The following SUPT5H variants were observed in gnomAD, a reference collection of about 807,000 sequenced individuals.
SUPT5H encodes transcription elongation factor SPT5.
A neutral mutation model predicts 142.5 loss-of-function variants in SUPT5H; 24 were observed. That is an observed-to-expected ratio of 0.17 (90% confidence interval 0.12 to 0.24). The LOEUF is 0.24. Ranked by LOEUF, SUPT5H falls within the 10% of genes least tolerant of loss-of-function variation. The pLI is 1.00. For synonymous variants in SUPT5H, 546 were observed against 553.0 expected (o/e 0.99, Z 0.18); for missense variants, 893 against 1,471.8 (o/e 0.61, Z 6.43).
rs139236724 is a variant in SUPT5H, at chr19:39,449,830, G to A, written c.76-3526G>A. On this transcript the variant is annotated intron_variant, in intron 2 of 29. Coordinates refer to ENST00000432763, the MANE Select transcript of SUPT5H (RefSeq NM_001111020.3). ...GATTTTTATATTTTTGGTAGAGATGGGGTTTCACCATGTTGGCCAGGGTGG... is the reference window on the plus strand; with the variant it reads ...GATTTTTATATTTTTGGTAGAGATGAGGTTTCACCATGTTGGCCAGGGTGG... Among the ~76,000 whole-genome samples, 69 of 152,058 alleles carry A rather than the reference G, an allele frequency of 4.5e-4. No homozygotes were observed. In the Middle Eastern group the frequency reaches 0.01, roughly 22 times the overall value.
At position 39,469,205 on chromosome 19, in the gene SUPT5H, G is replaced by A; in HGVS notation, c.1237+33G>A. ...ATCCCCCTCTATAACCTGGGCCAAGGAGCAGGGGCGGCCCATGGTGGCAAC... is the reference window on the plus strand; with the variant it reads ...ATCCCCCTCTATAACCTGGGCCAAGAAGCAGGGGCGGCCCATGGTGGCAAC... On this transcript the variant is annotated intron_variant, in intron 15 of 29. Transcript: ENST00000432763. This position sits in a 1 kb window ranked among gnomAD's most constrained non-coding sequence, Gnocchi z 5.1. 2 of 1,614,212 alleles carry A rather than the reference G, an allele frequency of 1.2e-6. No homozygotes were observed. The highest frequency in any genetic ancestry group is 1.7e-6 in the Non-Finnish European group (2 of 1,180,020).
rs556207124 is a variant in SUPT5H, at chr19:39,473,712, C to T, written c.2492+191C>T. Among the ~76,000 whole-genome samples the T allele has an allele frequency of 1.3e-5, 2 of 152,278 alleles. No homozygotes were observed. Among genetic ancestry groups the T allele is most frequent in the East Asian group, 3.9e-4 (2 of 5,172 alleles). On this transcript the variant is annotated intron_variant, in intron 25 of 29. Transcript: ENST00000432763. This position sits in a 1 kb window ranked among gnomAD's most constrained non-coding sequence, Gnocchi z 5.8. The stretch of plus-strand genomic sequence containing the variant: ...AAAGCGGCCTCCTCTCCATCCCCAA[C>T]CTCAGTAGTGATTGTGGTTACCCTT...
At chr19:39,468,673 G>C in intron 13 of SUPT5H, 83 bp from the exon 14 acceptor site, 1 of 1,260,004 alleles carries the variant, frequency 7.9e-7, no homozygotes, top group Non-Finnish European at 1.2e-6. Context: ...CTCTCCTTCT[G>C]TTGCCAGCTG....
Position 39,459,954 on chromosome 19 carries a change from A to G in SUPT5H, c.618A>G (p.Thr206=). The change falls in exon 10 of 30, where the codon ACA becomes ACG. Residue 206 remains threonine (T), a synonymous_variant. Coordinates refer to ENST00000432763, the MANE Select transcript of SUPT5H (RefSeq NM_001111020.3). ...GCAAGTTCATTGCCTACCAGTTCACAGACACGGTAAGTCGGGTAGACAGGC... is the reference window on the plus strand; with the variant it reads ...GCAAGTTCATTGCCTACCAGTTCACGGACACGGTAAGTCGGGTAGACAGGC... ...LMRKFIAYQF[T]DTPLQIKSVV... 6.2e-7 allele frequency: 1 copy of G among 1,614,098 alleles called. No homozygotes were observed. Among genetic ancestry groups the G allele is most frequent in the African/African-American group, 1.3e-5 (1 of 75,014 alleles).
rs139735061 is a variant in SUPT5H at position 39,460,887 on chromosome 19, A to G, written c.624+927A>G. Among the ~76,000 whole-genome samples, 61 of 152,180 alleles carry G rather than the reference A, an allele frequency of 4.0e-4. 1 individual carries two copies. In the East Asian group the frequency reaches 5.8e-3, roughly 14 times the overall value. On this transcript the variant is annotated intron_variant, in intron 10 of 29. Transcript: ENST00000432763. Reference sequence around the variant, plus strand: ...TCAGTTAACATGATCCCTGCTAGGGATCATGCTTTCACCTGTCCAGCCACT... The same window carrying G: ...TCAGTTAACATGATCCCTGCTAGGGGTCATGCTTTCACCTGTCCAGCCACT...
At position 39,471,485 on chromosome 19, in the gene SUPT5H, C is replaced by T. The variant is rs942000820; in HGVS notation, c.1806C>T (p.Val602=). 1.2e-6 allele frequency: 2 copies of T among 1,614,104 alleles called. No individual in the cohort carries two copies. Among genetic ancestry groups the T allele is most frequent in the African/African-American group, 2.7e-5 (2 of 74,928 alleles). ...NNIHVKDIVK[V]IDGPHSGREG... ...TCCATGTGAAAGACATCGTTAAGGTCATTGATGGCCCCCACTCAGTGAGTA... is the reference window on the plus strand; with the variant it reads ...TCCATGTGAAAGACATCGTTAAGGTTATTGATGGCCCCCACTCAGTGAGTA... The change falls in exon 19 of 30, where the codon GTC becomes GTT. Residue 602 remains valine, a synonymous_variant. Coordinates refer to ENST00000432763, the MANE Select transcript of SUPT5H (RefSeq NM_001111020.3).
At chr19:39,468,993 C>T (rs2079280816) in intron 14 of SUPT5H, 86 bp from the exon 15 acceptor site, 1 of 1,574,596 alleles carries the variant, frequency 6.4e-7, no homozygotes, top group East Asian at 2.2e-5. Context: ...GAATTATTCC[C>T]CTAGGACCCA....
At position 39,470,660 on chromosome 19, in the gene SUPT5H, C is replaced by A; in HGVS notation, c.1677+137C>A. 1 of 1,006,220 alleles carries A rather than the reference C, an allele frequency of 9.9e-7. No homozygotes were observed. 62.3% of individuals were successfully genotyped at this position (1,006,220 alleles called of 1,614,324 possible). On this transcript the variant is annotated intron_variant, in intron 18 of 29. Transcript: ENST00000432763. This position sits in a 1 kb window ranked among gnomAD's most constrained non-coding sequence, Gnocchi z 5.8. Reference sequence around the variant, plus strand: ...GGCTCTGTCACTTACATCTGAATGGCTGATAGTGGGCACATGGCAAGTCAT... The same window carrying A: ...GGCTCTGTCACTTACATCTGAATGGATGATAGTGGGCACATGGCAAGTCAT...
chr19:39,460,562 A>AC (rs1383577621), intron 10 of SUPT5H, among the ~76,000 whole-genome samples: 2 of 152,026 alleles, frequency 1.3e-5, no homozygotes, highest in African/African-American at 4.8e-5. Context: ...ACGTGGTGAA[A>AC]CCCCGTCTCT....
chr19:39,458,733 G>A lies in SUPT5H; in HGVS notation c.320-85G>A, dbSNP rs1268926865. 2.3e-6 allele frequency: 3 copies of A among 1,307,802 alleles called. No individual in the cohort carries two copies. Among genetic ancestry groups the A allele is most frequent in the Non-Finnish European group, 3.2e-6 (3 of 947,858 alleles). 81.0% of individuals were successfully genotyped at this position (1,307,802 alleles called of 1,614,324 possible). Reference sequence around the variant, plus strand: ...CTTCCTGCCCCAGGGCCAAACCCTGGCCCTCTTAGCTGCACGCTCCTATTT... The same window carrying A: ...CTTCCTGCCCCAGGGCCAAACCCTGACCCTCTTAGCTGCACGCTCCTATTT... On this transcript the variant is annotated intron_variant, in intron 5 of 29. Coordinates refer to ENST00000432763, the MANE Select transcript of SUPT5H (RefSeq NM_001111020.3). This position sits in a 1 kb window ranked among gnomAD's most constrained non-coding sequence, Gnocchi z 4.2.
At position 39,473,358 on chromosome 19, in the gene SUPT5H, G is replaced by C. The variant is rs763843398; in HGVS notation, c.2386+28G>C. On this transcript the variant is annotated intron_variant, in intron 24 of 29. Coordinates refer to ENST00000432763, the MANE Select transcript of SUPT5H (RefSeq NM_001111020.3). This position sits in a 1 kb window ranked among gnomAD's most constrained non-coding sequence, Gnocchi z 5.8. ...GAGTGCCCGCAGGGGACAGGGAAGA[G>C]GGGCTAGGGGGACCTAGAGAAGGGA... 5.0e-6 allele frequency: 8 copies of C among 1,613,524 alleles called. No individual in the cohort carries two copies. The highest frequency in any genetic ancestry group is 1.7e-4 in the Middle Eastern group (1 of 6,058).
In SUPT5H at chr19:39,471,400, C is replaced by G; in HGVS notation, c.1721C>G (p.Ala574Gly). Residue 574 changes from alanine (A) to glycine (G), a missense_variant, in exon 19 of 30, where the codon GCT becomes GGT. Transcript: ENST00000432763. ...AAGGTGGTGACTGTCAGACATCAGGCTGTGACCCGGAAGAAGGACAACCGC... is the reference window on the plus strand; with the variant it reads ...AAGGTGGTGACTGTCAGACATCAGGGTGTGACCCGGAAGAAGGACAACCGC... Reference protein sequence around the residue: ...YGKVVTVRHQAVTRKKDNRFA... With the variant: ...YGKVVTVRHQGVTRKKDNRFA... 6.2e-7 allele frequency: 1 copy of G among 1,614,268 alleles called. No homozygotes were observed. The highest frequency in any genetic ancestry group is 1.1e-5 in the South Asian group (1 of 91,086).
In SUPT5H at chr19:39,458,533, G is replaced by A; in HGVS notation, c.319+228G>A. On this transcript the variant is annotated intron_variant, in intron 5 of 29. Coordinates refer to ENST00000432763, the MANE Select transcript of SUPT5H (RefSeq NM_001111020.3). The surrounding 1 kb of genome is among the most constrained non-coding windows in gnomAD (Gnocchi z 4.2). ...TGTCTGGGACTGAGCATTTGTGGGT[G>A]GTAGCGATGTGTGGGGTGGGGTGCA... is the stretch of plus-strand genomic sequence containing the variant. 1.1e-6 allele frequency: 1 copy of A among 879,648 alleles called. No individual in the cohort carries two copies. Among genetic ancestry groups the A allele is most frequent in the Non-Finnish European group, 1.7e-6 (1 of 573,708 alleles). The allele number at this position is 879,648 out of a possible 1,614,324, so 54.5% of individuals were successfully genotyped here. A position where few individuals can be genotyped will look rare whatever the true frequency, so the allele number is the denominator to read the frequency against.
At chr19:39,471,938 T>C in intron 20 of SUPT5H, 1 of 754,220 alleles carries the variant, frequency 1.3e-6, no homozygotes, top group Non-Finnish European at 2.0e-6. Flanking sequence ...TTCATTTTAC[T>C]GAGCACCTGT....
chr19:39,458,461 G>C lies in SUPT5H; in HGVS notation c.319+156G>C. The C allele has an allele frequency of 7.4e-7, 1 of 1,359,956 alleles. No homozygotes were observed. The highest frequency in any genetic ancestry group is 1.0e-6 in the Non-Finnish European group (1 of 995,490). 84.2% of individuals were successfully genotyped at this position (1,359,956 alleles called of 1,614,324 possible). ...TAGGATCCAGAGTCAGGGAGTTCTG[G>C]GGCCAGGTATACCCCAGTTGTTGAC... On this transcript the variant is annotated intron_variant, in intron 5 of 29. Transcript: ENST00000432763. The surrounding 1 kb of genome is among the most constrained non-coding windows in gnomAD (Gnocchi z 4.2).
chr19:39,447,115 A>G (rs2078964195), intron 2 of SUPT5H, among the ~76,000 whole-genome samples: 1 of 152,186 alleles, frequency 6.6e-6, no homozygotes, highest in Admixed American at 6.5e-5. Flanking sequence ...GTGAGCTGTG[A>G]TGGTGCCACT....
At chr19:39,454,535 AG>A (rs367741340) in intron 3 of SUPT5H, among the ~76,000 whole-genome samples, 83 of 151,252 alleles carry the variant, frequency 5.5e-4, no homozygotes, top group African/African-American at 1.9e-3. Context: ...TAGTAGAGAC[AG>A]GGTTTCACTG....
chr19:39,469,685 A>G lies in SUPT5H; in HGVS notation c.1374+287A>G, dbSNP rs139214415. On this transcript the variant is annotated intron_variant, in intron 16 of 29. Transcript: ENST00000432763. This position sits in a 1 kb window ranked among gnomAD's most constrained non-coding sequence, Gnocchi z 5.1. Reference sequence around the variant, plus strand: ...ACTGGGTTGAGAGTGTGATTAACCAAGGAGTAATCTGAGGCTTGACTTTGT... The same window carrying G: ...ACTGGGTTGAGAGTGTGATTAACCAGGGAGTAATCTGAGGCTTGACTTTGT... 1.5e-3 allele frequency: 781 copies of G among 534,940 alleles called. 12 individuals are homozygous for G. In the East Asian group the frequency reaches 0.022, roughly 15 times the overall value. 33.1% of individuals were successfully genotyped at this position (534,940 alleles called of 1,614,324 possible).
chr19:39,460,039 C>T (rs2079141515), intron 10 of SUPT5H, 79 bp downstream of exon 10: 4 of 1,469,544 alleles, frequency 2.7e-6, no homozygotes, highest in Non-Finnish European at 3.8e-6. Flanking sequence ...TTCAGGGGTA[C>T]CAGGTGCCTC....
Sources: allele counts gnomAD v4.1 joint callset (sites outside exome capture counted in the v4.1 genomes callset), GRCh38; gene constraint gnomAD v4.1.1; non-coding constraint Gnocchi (gnomAD v3.1); transcripts MANE v1.5; gene names NCBI Gene and HGNC (gene_info 2026-07-23, HGNC 2026-07-21).